The following MAP3K5 variants were observed in gnomAD, a reference collection of about 807,000 sequenced individuals.
MAP3K5 encodes mitogen-activated protein kinase kinase kinase 5.
A neutral mutation model predicts 158.7 loss-of-function variants in MAP3K5; 56 were observed. The observed-to-expected ratio is 0.35, with a 90% CI of 0.28 to 0.44. The LOEUF (loss-of-function observed/expected upper bound fraction) is 0.44. Ranked by LOEUF, MAP3K5 falls within the 20% of genes least tolerant of loss-of-function variation. MAP3K5 has a pLI of 1.00. For missense variants in MAP3K5, 1,294 were observed against 1,674.8 expected, an observed-to-expected ratio of 0.77 and a Z score of 3.97; for synonymous variants, 579 against 601.7, an observed-to-expected ratio of 0.96 and a Z score of 0.55.
intron 25 of MAP3K5, among the ~76,000 whole-genome samples, chr6:136,570,737 G>C (rs1355000961): frequency 1.3e-5 from 2 of 152,136 alleles, no homozygotes; most frequent in Admixed American, 1.3e-4. Flanking sequence ...ACAGTGTTAT[G>C]CTACCAATCT....
intron 26 of MAP3K5, among the ~76,000 whole-genome samples, chr6:136,563,784 T>C (rs999898424): frequency 6.6e-6 from 1 of 152,206 alleles, no homozygotes; most frequent in South Asian, 2.1e-4. Flanking sequence ...GTAAGTTGGA[T>C]TCAGAAATAA....
At chr6:136,706,791 A>C (rs1025790095) in intron 2 of MAP3K5, among the ~76,000 whole-genome samples, 1 of 152,178 alleles carries the variant, frequency 6.6e-6, no homozygotes, top group African/African-American at 2.4e-5. Context: ...AGATGAGAAA[A>C]CAAAAACTGA....
intron 2 of MAP3K5, among the ~76,000 whole-genome samples, chr6:136,708,211 A>G (rs536697259): frequency 7.7e-4 from 117 of 152,334 alleles, no homozygotes; most frequent in African/African-American, 2.4e-3. Flanking sequence ...AAACCTTGTT[A>G]AAGTTTTACA....
rs768560471 is a variant in MAP3K5 at position 136,613,690 on chromosome 6, T to A, written c.2279-434A>T. ...AGGCTAAATCTCTTCCGCATTTTTG[T>A]CCTGTAAATGATTGGAGAAGACTGA... On this transcript the variant is annotated intron_variant, in intron 16 of 29. Coordinates refer to ENST00000359015, the MANE Select transcript of MAP3K5 (RefSeq NM_005923.4). The surrounding 1 kb of genome is among the most constrained non-coding windows in gnomAD (Gnocchi z 4.0). Among the ~76,000 whole-genome samples, 1 of 152,110 alleles carries A rather than the reference T, an allele frequency of 6.6e-6. No individual in the cohort carries two copies. Among genetic ancestry groups the A allele is most frequent in the African/African-American group, 2.4e-5 (1 of 41,410 alleles).
At chr6:136,677,608 C>T (rs1365485114) in intron 7 of MAP3K5, among the ~76,000 whole-genome samples, 1 of 152,196 alleles carries the variant, frequency 6.6e-6, no homozygotes, top group Admixed American at 6.5e-5. Flanking sequence ...ATCTGGGATC[C>T]AGCCTGAAGG....
At chr6:136,659,426 G>T (rs750007088) in intron 8 of MAP3K5, 48 bp from the exon 9 acceptor site, 2 of 1,539,374 alleles carry the variant, frequency 1.3e-6, no homozygotes, top group South Asian at 2.3e-5. Flanking sequence ...CCCCACACAG[G>T]TAGAACCAGG....
At position 136,711,236 on chromosome 6, in the gene MAP3K5, T is replaced by C. The variant is rs191846021; in HGVS notation, c.589-6103A>G. Reference sequence around the variant, plus strand: ...GAAAATCATCCTTTTGCAGAACATATGAAATCTGTGGATAGACTGAGAGAG... The same window carrying C: ...GAAAATCATCCTTTTGCAGAACATACGAAATCTGTGGATAGACTGAGAGAG... On this transcript the variant is annotated intron_variant, in intron 2 of 29. Transcript: ENST00000359015. Among the ~76,000 whole-genome samples the C allele has an allele frequency of 4.0e-4, 61 of 151,914 alleles. 1 individual carries two copies. The East Asian group carries it at 0.011, about 28-fold the overall frequency.
intron 18 of MAP3K5, among the ~76,000 whole-genome samples, chr6:136,608,526 G>A (rs1776198548): frequency 6.6e-6 from 1 of 152,146 alleles, no homozygotes; most frequent in Non-Finnish European, 1.5e-5. Flanking sequence ...AAAGAGAAGT[G>A]CCCTGGATAA....
intron 18 of MAP3K5, among the ~76,000 whole-genome samples, chr6:136,605,585 C>G (rs1459152457): frequency 6.6e-6 from 1 of 152,068 alleles, no homozygotes; most frequent in Non-Finnish European, 1.5e-5. Flanking sequence ...AATACTTTAC[C>G]CATATTATCT....
Position 136,585,469 on chromosome 6 carries a change from T to TTTTCTTTTCTTTCTTTCTTTCTTTC in MAP3K5, c.3226-1730_3226-1729insGAAAGAAAGAAAGAAAGAAAAGAAA, listed in dbSNP as rs35799129. Among the ~76,000 whole-genome samples the TTTTCTTTTCTTTCTTTCTTTCTTTC allele has an allele frequency of 1.6e-3, 204 of 131,504 alleles. 10 individuals are homozygous for TTTTCTTTTCTTTCTTTCTTTCTTTC. The highest frequency in any genetic ancestry group is 0.015 in the East Asian group (61 of 3,948). The allele number at this position is 131,504 out of a possible 152,430, so 86.3% of individuals were successfully genotyped here. On this transcript the variant is annotated intron_variant, in intron 23 of 29. Coordinates refer to ENST00000359015, the MANE Select transcript of MAP3K5 (RefSeq NM_005923.4). ...AAGGCATATTGCTTCCTTTCTTTTCTTTTCTTTATTTATTTATTTATTTAT... is the reference window on the plus strand; with the variant it reads ...AAGGCATATTGCTTCCTTTCTTTTCTTTTCTTTTCTTTCTTTCTTTCTTTCTTTCTTTATTTATTTATTTATTTAT...
intron 21 of MAP3K5, among the ~76,000 whole-genome samples, chr6:136,595,089 T>C (rs1463323760): frequency 6.6e-6 from 1 of 152,234 alleles, no homozygotes; most frequent in Non-Finnish European, 1.5e-5. Flanking sequence ...GCATGTTCTA[T>C]GTGCAGAGCC....
chr6:136,769,811 G>GGGA (rs1562691284), intron 1 of MAP3K5, among the ~76,000 whole-genome samples: 97 of 35,622 alleles, frequency 2.7e-3, no homozygotes, highest in Non-Finnish European at 3.8e-3. Flanking sequence ...GAGGGAGGGA[G>GGGA]GGGACGGGAG....
chr6:136,657,466 A>G (rs1270354071), intron 9 of MAP3K5, among the ~76,000 whole-genome samples: 1 of 152,246 alleles, frequency 6.6e-6, no homozygotes, highest in Non-Finnish European at 1.5e-5. Flanking sequence ...GTCACTGTAA[A>G]GAAATAGCAA....
chr6:136,698,604 T>C lies in MAP3K5; in HGVS notation c.691A>G (p.Met231Val), dbSNP rs368629309. 1.2e-6 allele frequency: 2 copies of C among 1,613,930 alleles called. No individual in the cohort carries two copies. The highest frequency in any genetic ancestry group is 2.7e-5 in the African/African-American group (2 of 74,932). Residue 231 changes from methionine to valine, a missense_variant, in exon 4 of 30, where the codon ATG becomes GTG. Physicochemically the swap from Met to Val is conservative, Grantham distance 21 (BLOSUM62 1). Coordinates refer to ENST00000359015, the MANE Select transcript of MAP3K5 (RefSeq NM_005923.4). Reference protein sequence around the residue: ...NKVYCCDSSFMKGLTELMQPN... With the variant: ...NKVYCCDSSFVKGLTELMQPN... ...TGCATGAGCTCTGTCAACCCCTTCA[T>C]GAAGCTGCTGTCACAGCAGTAGACT...
At chr6:136,724,284 TG>T (rs1169419225) in intron 1 of MAP3K5, among the ~76,000 whole-genome samples, 1 of 150,860 alleles carries the variant, frequency 6.6e-6, no homozygotes, top group African/African-American at 2.4e-5. Context: ...AGTCTTACTC[TG>T]TCTCCCAGGC....
intron 1 of MAP3K5, among the ~76,000 whole-genome samples, chr6:136,767,418 G>A (rs532300983): frequency 1.1e-4 from 17 of 152,020 alleles, no homozygotes; most frequent in Non-Finnish European, 1.9e-4. Flanking sequence ...AAGGAAGAGA[G>A]GAGGGCAGGG....
chr6:136,584,093 C>T (rs1775009097), intron 23 of MAP3K5, among the ~76,000 whole-genome samples: 1 of 152,182 alleles, frequency 6.6e-6, no homozygotes, highest in Admixed American at 6.5e-5. Flanking sequence ...ACCTGCCCCA[C>T]ACGCTGGTCA....
At chr6:136,635,361 T>TA (rs1401859864) in intron 14 of MAP3K5, among the ~76,000 whole-genome samples, 2 of 152,218 alleles carry the variant, frequency 1.3e-5, no homozygotes, top group Non-Finnish European at 2.9e-5. Context: ...AGCTAATTCC[T>TA]AACAATCACT....
At chr6:136,767,062 G>GTA (rs1446264215) in intron 1 of MAP3K5, among the ~76,000 whole-genome samples, 4 of 152,062 alleles carry the variant, frequency 2.6e-5, no homozygotes, top group Non-Finnish European at 5.9e-5. Context: ...TTTCATATAT[G>GTA]TATATATATT....
Sources: allele counts gnomAD v4.1 joint callset (sites outside exome capture counted in the v4.1 genomes callset), GRCh38; gene constraint gnomAD v4.1.1; non-coding constraint Gnocchi (gnomAD v3.1); transcripts MANE v1.5; gene names NCBI Gene and HGNC (gene_info 2026-07-23, HGNC 2026-07-21).